The following TBC1D9B variants were observed in gnomAD, a reference collection of about 807,000 sequenced individuals.
TBC1D9B encodes TBC1 domain family, member 9B (with GRAM domain).
A neutral mutation model predicts 121.1 loss-of-function variants in TBC1D9B; 87 were observed. The ratio of observed to expected loss-of-function variants is 0.72; its 90% CI spans 0.60 to 0.86. The LOEUF (loss-of-function observed/expected upper bound fraction) is 0.86, where lower values mean the gene tolerates loss of function less well. Ranked by LOEUF, TBC1D9B falls within the 40% of genes least tolerant of loss-of-function variation. The pLI, the probability that TBC1D9B is intolerant of heterozygous loss-of-function variation, is 0.00. For missense variants in TBC1D9B, 1,540 were observed against 1,628.6 expected, an observed-to-expected ratio of 0.95 and a Z score of 0.94; for synonymous variants, 668 against 670.1, an observed-to-expected ratio of 1.00 and a Z score of 0.05.
chr5:179,879,514 C>A, intron 8 of TBC1D9B, 114 bp downstream of exon 8: 1 of 1,526,188 alleles, frequency 6.6e-7, no homozygotes, highest in African/African-American at 1.4e-5. Flanking sequence ...GTGGGCACTG[C>A]CCAGCGGTCA....
intron 10 of TBC1D9B, among the ~76,000 whole-genome samples, chr5:179,876,837 G>A (rs1266453907): frequency 6.6e-6 from 1 of 152,082 alleles, no homozygotes; most frequent in Non-Finnish European, 1.5e-5. Flanking sequence ...TTAGGAGGCT[G>A]AGGAGGTCGG....
At chr5:179,870,695 T>A in intron 15 of TBC1D9B, 200 bp from the exon 16 acceptor site, 1 of 807,632 alleles carries the variant, frequency 1.2e-6, no homozygotes, top group South Asian at 1.9e-5. Flanking sequence ...GGGAGGGGGT[T>A]GGCTGAGAGA....
At position 179,894,577 on chromosome 5, in the gene TBC1D9B, T is replaced by A. The variant is rs777610547; in HGVS notation, c.386A>T (p.Gln129Leu). The change falls in exon 4 of 21, where the codon CAG becomes CTG. Residue 129 changes from glutamine (Q) to leucine (L), a missense_variant. Physicochemically the swap from Gln to Leu is moderately radical, Grantham distance 113 (BLOSUM62 -2). Coordinates refer to ENST00000355235, the MANE Select transcript of TBC1D9B (RefSeq NM_015043.4). ...GAACTTCCCGGGGTCCTCGTCTCCC[T>A]GGGGCTGCAGGTTCTTGTTCTCTTC... is the stretch of plus-strand genomic sequence containing the variant. Reference protein sequence around the residue: ...IAEENKNLQPQGDEDPGKFKE... With the variant: ...IAEENKNLQPLGDEDPGKFKE... The A allele has an allele frequency of 6.2e-7, 1 of 1,614,240 alleles. No individual in the cohort carries two copies. Among genetic ancestry groups the A allele is most frequent in the Non-Finnish European group, 8.5e-7 (1 of 1,180,038 alleles).
chr5:179,862,332 GT>G lies in TBC1D9B; in HGVS notation c.*1115del. The G allele has an allele frequency of 3.1e-6, 1 of 326,132 alleles. No individual in the cohort carries two copies. The allele number at this position is 326,132 out of a possible 1,614,324, so 20.2% of individuals were successfully genotyped here. A position where few individuals can be genotyped will look rare whatever the true frequency, so the allele number is the denominator to read the frequency against. ...GGGGGCTAACACTGGACACTGGTCA[GT>G]TTCAGCTCCTCATGCAAAGTGAGGG... On this transcript the variant is annotated 3_prime_UTR_variant, in exon 21 of 21. Transcript: ENST00000355235.
At chr5:179,879,931 T>C (rs964505066) in intron 7 of TBC1D9B, 142 bp from the exon 8 acceptor site, 2 of 1,049,314 alleles carry the variant, frequency 1.9e-6, no homozygotes, top group East Asian at 5.2e-5. Context: ...AGAGCCTGTC[T>C]GGCTGGGCAG....
Position 179,907,877 on chromosome 5 carries a change from C to T in TBC1D9B, c.-56G>A, listed in dbSNP as rs1582113272. The T allele has an allele frequency of 5.1e-6, 5 of 971,122 alleles. No homozygotes were observed. In the East Asian group the frequency reaches 3.2e-4, roughly 63 times the overall value. The allele number at this position is 971,122 out of a possible 1,614,324, so 60.2% of individuals were successfully genotyped here. On this transcript the variant is annotated 5_prime_UTR_variant, in exon 1 of 21. Transcript: ENST00000355235. This position sits in a 1 kb window ranked among gnomAD's most constrained non-coding sequence, Gnocchi z 5.3. ...GCGAGACGGAAGCGCCCGCCGCCGT[C>T]GGCGTCCCGGAGCGGAGCGTGCGGA...
Position 179,894,575 on chromosome 5 carries a change from C to T in TBC1D9B, c.388G>A (p.Gly130Arg). Reference sequence around the variant, plus strand: ...TTGAACTTCCCGGGGTCCTCGTCTCCCTGGGGCTGCAGGTTCTTGTTCTCT... The same window carrying T: ...TTGAACTTCCCGGGGTCCTCGTCTCTCTGGGGCTGCAGGTTCTTGTTCTCT... ...AEENKNLQPQ[G>R]DEDPGKFKEA... The change falls in exon 4 of 21, where the codon GGA becomes AGA. Residue 130 changes from glycine to arginine, a missense_variant. Transcript: ENST00000355235. 1 of 1,614,224 alleles carries T rather than the reference C, an allele frequency of 6.2e-7. No homozygotes were observed. The highest frequency in any genetic ancestry group is 1.3e-5 in the African/African-American group (1 of 75,062).
In TBC1D9B at chr5:179,873,244, G is replaced by A; in HGVS notation, c.2191C>T (p.Leu731=). ...GEAMTMLGRY[L]DNVVNKQSVS... Reference sequence around the variant, plus strand: ...CTCTGCTTGTTGACCACATTATCCAGGTATCTGCAAAGGACAGAGGACAAC... The same window carrying A: ...CTCTGCTTGTTGACCACATTATCCAAGTATCTGCAAAGGACAGAGGACAAC... Residue 731 remains leucine (L), a synonymous_variant, in exon 13 of 21, where the codon CTG becomes TTG. Coordinates refer to ENST00000355235, the MANE Select transcript of TBC1D9B (RefSeq NM_015043.4). 6.2e-7 allele frequency: 1 copy of A among 1,605,646 alleles called. No homozygotes were observed.
At chr5:179,878,001 A>G (rs1760408390) in intron 10 of TBC1D9B, among the ~76,000 whole-genome samples, 1 of 152,178 alleles carries the variant, frequency 6.6e-6, no homozygotes, top group Non-Finnish European at 1.5e-5. Flanking sequence ...ATGTGCTTAG[A>G]GCACTGAGCT....
intron 3 of TBC1D9B, among the ~76,000 whole-genome samples, chr5:179,896,806 G>A (rs1761033930): frequency 6.6e-6 from 1 of 152,200 alleles, no homozygotes; most frequent in Non-Finnish European, 1.5e-5. Flanking sequence ...TTACGGGTGT[G>A]AGACACCACG....
intron 20 of TBC1D9B, among the ~76,000 whole-genome samples, chr5:179,864,436 C>T (rs567394496): frequency 3.9e-5 from 6 of 152,342 alleles, no homozygotes; most frequent in Non-Finnish European, 8.8e-5. Context: ...TCTACCACGA[C>T]TCTAAATCCA....
Position 179,865,077 on chromosome 5 carries a change from G to A in TBC1D9B, c.3021+177C>T, listed in dbSNP as rs1000912069. Among the ~76,000 whole-genome samples the A allele has an allele frequency of 5.3e-5, 8 of 152,210 alleles. No individual in the cohort carries two copies. The highest frequency in any genetic ancestry group is 1.9e-4 in the African/African-American group (8 of 41,452). ...CCCTATACAAGGCCCTGGAGCAACT[G>A]GCCTCTTGTCTTTCTGGAATCATCG... On this transcript the variant is annotated intron_variant, in intron 20 of 20. Transcript: ENST00000355235. This position sits in a 1 kb window ranked among gnomAD's most constrained non-coding sequence, Gnocchi z 5.1.
At position 179,904,632 on chromosome 5, in the gene TBC1D9B, C is replaced by G; in HGVS notation, c.229+70G>C. On this transcript the variant is annotated intron_variant, in intron 2 of 20. Coordinates refer to ENST00000355235, the MANE Select transcript of TBC1D9B (RefSeq NM_015043.4). This position sits in a 1 kb window ranked among gnomAD's most constrained non-coding sequence, Gnocchi z 4.2. ...CCACCCAGACACGTGGGCTACACAC[C>G]CCTTCCTCTCGGCAACGGCCCTTCC... 1.5e-6 allele frequency: 2 copies of G among 1,349,978 alleles called. No individual in the cohort carries two copies. The highest frequency in any genetic ancestry group is 1.3e-5 in the South Asian group (1 of 79,530). The allele number at this position is 1,349,978 out of a possible 1,614,324, so 83.6% of individuals were successfully genotyped here.
intron 2 of TBC1D9B, among the ~76,000 whole-genome samples, chr5:179,900,887 G>A (rs1363168411): frequency 3.3e-5 from 5 of 152,080 alleles, no homozygotes; most frequent in South Asian, 4.1e-4. Flanking sequence ...CGCCTGCCCC[G>A]ACCACCTTCC....
chr5:179,865,508 GA>G lies in TBC1D9B; in HGVS notation c.2915-149del, dbSNP rs1253612348. On this transcript the variant is annotated intron_variant, in intron 19 of 20. Transcript: ENST00000355235. The surrounding 1 kb of genome is among the most constrained non-coding windows in gnomAD (Gnocchi z 5.1). ...CTGGCGTTTGGGAAGGTGGTCATGGGAAAAAAACCCAGAACAGCCACAGGTT... is the reference window on the plus strand; with the variant it reads ...CTGGCGTTTGGGAAGGTGGTCATGGGAAAAAACCCAGAACAGCCACAGGTT... 9 of 742,172 alleles carry G rather than the reference GA, an allele frequency of 1.2e-5. No individual in the cohort carries two copies. Among genetic ancestry groups the G allele is most frequent in the Non-Finnish European group, 1.8e-5 (8 of 446,996 alleles). The allele number at this position is 742,172 out of a possible 1,614,324, so 46.0% of individuals were successfully genotyped here.
rs768708677 is a variant in TBC1D9B, at chr5:179,893,225, T to C, written c.820A>G (p.Ile274Val). ...LPRPIRPHRN[I>V]SALKRDLDAR... The stretch of plus-strand genomic sequence containing the variant: ...GCAACGCACCGCTTCAGGGCTGAGA[T>C]GTTCCTGTGTGGCCGGATGGGCCTA... Residue 274 changes from isoleucine (I) to valine (V), a missense_variant, in exon 5 of 21, where the codon ATC becomes GTC. By Grantham distance (29) the Ile-to-Val change is conservative. Transcript: ENST00000355235. 1.9e-5 allele frequency: 30 copies of C among 1,610,702 alleles called. No individual in the cohort carries two copies. The South Asian group carries it at 3.2e-4, about 17-fold the overall frequency.
intron 2 of TBC1D9B, among the ~76,000 whole-genome samples, chr5:179,901,880 AATAAT>A (rs1188859143): frequency 1.3e-5 from 2 of 152,266 alleles, no homozygotes; most frequent in African/African-American, 4.8e-5. Context: ...TGGGAATAAA[AATAAT>A]ATAATAGCTA....
At position 179,907,763 on chromosome 5, in the gene TBC1D9B, GC is replaced by G; in HGVS notation, c.58del (p.Ala20ProfsTer123). 1 of 1,222,188 alleles carries G rather than the reference GC, an allele frequency of 8.2e-7. No homozygotes were observed. 75.7% of individuals were successfully genotyped at this position (1,222,188 alleles called of 1,614,324 possible). ...VANALWVTER[A>X]NPFFVLQRRR... ...TCGCTGCAGCACGAAGAAGGGGTTG[GC>G]CCGCTCCGTCACCCACAGCGCATTG... On this transcript the variant is annotated frameshift_variant, in exon 1 of 21. Transcript: ENST00000355235. LOFTEE classifies it high-confidence loss of function. This position sits in a 1 kb window ranked among gnomAD's most constrained non-coding sequence, Gnocchi z 5.3.
chr5:179,872,642 G>A, intron 14 of TBC1D9B: 2 of 531,026 alleles, frequency 3.8e-6, no homozygotes, highest in Non-Finnish European at 6.7e-6. Context: ...TGGGCATGTG[G>A]CTTTCAGGGT....
Sources: gnomAD v4.1 joint callset for allele counts (sites outside exome capture counted in the v4.1 genomes callset) on GRCh38, gnomAD v4.1.1 for gene constraint, Gnocchi (gnomAD v3.1) non-coding constraint, MANE v1.5 for transcripts, NCBI Gene and HGNC (gene_info 2026-07-23, HGNC 2026-07-21) for gene names.